The following ZNF516 variants were observed in gnomAD, a reference collection of about 807,000 sequenced individuals.
ZNF516 encodes zinc finger protein 516.
ZNF516 carries 19 observed loss-of-function variants against 79.7 expected under a neutral mutation model. That is an observed-to-expected ratio of 0.24 (90% CI 0.17 to 0.35). ZNF516 has a LOEUF of 0.35. ZNF516 is among the 10% of genes least tolerant of loss of function. ZNF516 has a pLI of 1.00. For synonymous variants in ZNF516, 877 were observed against 739.5 expected, an observed-to-expected ratio of 1.19 and a Z score of -3.02; for missense variants, 1,678 against 1,679.5, an observed-to-expected ratio of 1.00 and a Z score of 0.02.
chr18:76,486,619 C>T (rs1364203191), intron 1 of ZNF516, among the ~76,000 whole-genome samples: 1 of 151,598 alleles, frequency 6.6e-6, no homozygotes, highest in Non-Finnish European at 1.5e-5. Context: ...CAGCTGTATC[C>T]TGGAGGCTGA....
In ZNF516 at chr18:76,484,603, G is replaced by C. The variant is rs116822742; in HGVS notation, c.-272+10541C>G. Among the ~76,000 whole-genome samples the C allele has an allele frequency of 9.3e-3, 1,418 of 152,200 alleles. 26 individuals carry two copies. The highest frequency in any genetic ancestry group is 0.033 in the African/African-American group (1,366 of 41,526). On this transcript the variant is annotated intron_variant, in intron 1 of 6. Transcript: ENST00000443185. ...AAACATGTAAAATGCTTTCCAAAAT[G>C]GTCTACTATTCCCCTGGACGGGATT... is the stretch of plus-strand genomic sequence containing the variant.
intron 4 of ZNF516, among the ~76,000 whole-genome samples, chr18:76,374,083 A>G (rs1470545670): frequency 6.6e-6 from 1 of 152,276 alleles, no homozygotes; most frequent in African/African-American, 2.4e-5. Context: ...AGAGGAGATG[A>G]AAAAGATTCT....
At chr18:76,414,682 A>G (rs2075411458) in intron 3 of ZNF516, among the ~76,000 whole-genome samples, 1 of 152,268 alleles carries the variant, frequency 6.6e-6, no homozygotes, top group African/African-American at 2.4e-5. Context: ...GTGAAAGATA[A>G]ACCAATAAAT....
At chr18:76,414,827 C>T (rs907115869) in intron 3 of ZNF516, among the ~76,000 whole-genome samples, 9 of 152,246 alleles carry the variant, frequency 5.9e-5, no homozygotes, top group Non-Finnish European at 8.8e-5. Context: ...TCAAGTGATA[C>T]GTGTGTGCAC....
At chr18:76,465,318 C>A (rs768548881) in intron 1 of ZNF516, among the ~76,000 whole-genome samples, 1 of 152,154 alleles carries the variant, frequency 6.6e-6, no homozygotes, top group African/African-American at 2.4e-5. Context: ...TGGAACAGGG[C>A]AGAAGAAACA....
intron 2 of ZNF516, among the ~76,000 whole-genome samples, chr18:76,444,695 G>A (rs1262994413): frequency 6.6e-6 from 1 of 152,194 alleles, no homozygotes; most frequent in Admixed American, 6.5e-5. Flanking sequence ...GGGTGAAGGG[G>A]CATGAGCTAA....
intron 2 of ZNF516, among the ~76,000 whole-genome samples, chr18:76,448,882 A>C (rs1912227170): frequency 6.6e-6 from 1 of 151,832 alleles, no homozygotes; most frequent in African/African-American, 2.4e-5. Context: ...CAGTAAGACA[A>C]GGAGAAGTTT....
chr18:76,414,574 A>T lies in ZNF516; in HGVS notation c.1810+26671T>A, dbSNP rs1373295412. ...AATCTACATACTACTGTCGATCAAA[A>T]TTCTCTTTTCAGGTTTTCTTTAACT... On this transcript the variant is annotated intron_variant, in intron 3 of 6. Transcript: ENST00000443185. Among the ~76,000 whole-genome samples, 4 of 152,248 alleles carry T rather than the reference A, an allele frequency of 2.6e-5. No individual in the cohort carries two copies. In the East Asian group the frequency reaches 7.7e-4, roughly 29 times the overall value.
chr18:76,479,854 G>GGCACTT (rs1914398457), intron 1 of ZNF516, among the ~76,000 whole-genome samples: 1 of 152,320 alleles, frequency 6.6e-6, no homozygotes. Flanking sequence ...TCACCACTGT[G>GGCACTT]GCACTTGGGA....
At chr18:76,389,134 G>A (rs1317822227) in intron 3 of ZNF516, 1 of 152,232 alleles carries the variant, frequency 6.6e-6, no homozygotes, top group Non-Finnish European at 1.5e-5. Context: ...CTGAATGGAT[G>A]CAGGAAAATC....
intron 2 of ZNF516, among the ~76,000 whole-genome samples, chr18:76,443,744 G>A (rs980299905): frequency 4.6e-5 from 7 of 152,144 alleles, no homozygotes; most frequent in African/African-American, 1.7e-4. Context: ...AGGCGATTTC[G>A]TCCCTGTGCA....
intron 3 of ZNF516, among the ~76,000 whole-genome samples, chr18:76,438,577 C>T (rs577488824): frequency 1.2e-4 from 19 of 152,124 alleles, no homozygotes; most frequent in Non-Finnish European, 1.9e-4. Flanking sequence ...AAGTCAATAA[C>T]GAGAGCTGCT....
At chr18:76,458,047 C>T (rs1279864141) in intron 2 of ZNF516, among the ~76,000 whole-genome samples, 2 of 152,196 alleles carry the variant, frequency 1.3e-5, no homozygotes, top group Admixed American at 1.3e-4. Flanking sequence ...ACATCAGGCG[C>T]ACCATGGTTT....
At chr18:76,397,983 T>C (rs552274392) in intron 3 of ZNF516, among the ~76,000 whole-genome samples, 7 of 152,338 alleles carry the variant, frequency 4.6e-5, no homozygotes, top group South Asian at 2.1e-4. Flanking sequence ...GTGTTACTTT[T>C]TAAATCAGTG....
intron 4 of ZNF516, among the ~76,000 whole-genome samples, chr18:76,372,202 C>T (rs1026578757): frequency 2.0e-5 from 3 of 152,264 alleles, no homozygotes; most frequent in Non-Finnish European, 4.4e-5. Context: ...CCACCTTTTC[C>T]CCAAAGATCA....
At chr18:76,398,735 A>C (rs1302585542) in intron 3 of ZNF516, among the ~76,000 whole-genome samples, 1 of 152,234 alleles carries the variant, frequency 6.6e-6, no homozygotes, top group African/African-American at 2.4e-5. Flanking sequence ...AGGAGGGAGT[A>C]AGTCTCAGGA....
At chr18:76,494,349 C>T (rs1915392196) in intron 1 of ZNF516, among the ~76,000 whole-genome samples, 1 of 151,408 alleles carries the variant, frequency 6.6e-6, no homozygotes, top group East Asian at 1.9e-4. Context: ...CTTCATACAC[C>T]CGGGTTCATC....
Position 76,431,735 on chromosome 18 carries a change from T to C in ZNF516, c.1810+9510A>G, listed in dbSNP as rs114221340. ...TTGCCATGTGACACATGGGCTCCCC[T>C]TGATCTTCCACCATGATCCTAAGCT... On this transcript the variant is annotated intron_variant, in intron 3 of 6. Transcript: ENST00000443185. Among the ~76,000 whole-genome samples the C allele has an allele frequency of 5.2e-3, 790 of 152,282 alleles. 4 individuals are homozygous for C. Among genetic ancestry groups the C allele is most frequent in the African/African-American group, 0.018 (756 of 41,534 alleles).
At chr18:76,458,855 T>C (rs1171865113) in intron 2 of ZNF516, among the ~76,000 whole-genome samples, 4 of 139,676 alleles carry the variant, frequency 2.9e-5, no homozygotes, top group African/African-American at 1.1e-4. Flanking sequence ...TGCATGCCTG[T>C]AGGCAATGCC....
Sources: gnomAD v4.1 joint callset for allele counts (sites outside exome capture counted in the v4.1 genomes callset) on GRCh38, gnomAD v4.1.1 for gene constraint, MANE v1.5 for transcripts, NCBI Gene and HGNC (gene_info 2026-07-23, HGNC 2026-07-21) for gene names.